PCDHGB6: variants seen among roughly 807,000 people sequenced by gnomAD.
PCDHGB6 encodes protocadherin gamma subfamily B, 6, also known as protocadherin gamma-B6.
In PCDHGB6, 51 loss-of-function variants were observed where a neutral mutation model predicts 59.1. The ratio of observed to expected loss-of-function variants is 0.86; its 90% CI spans 0.69 to 1.09. The LOEUF (loss-of-function observed/expected upper bound fraction) is 1.09. Ranked by LOEUF, PCDHGB6 falls within the 50% of genes least tolerant of loss-of-function variation. The pLI, the probability that PCDHGB6 is intolerant of heterozygous loss-of-function variation, is 0.00. For synonymous variants in PCDHGB6, 466 were observed against 495.1 expected (o/e 0.94, Z 0.78); for missense variants, 1,148 against 1,205.1 (o/e 0.95, Z 0.70).
chr5:141,419,316 G>C (rs775328616), intron 1 of PCDHGB6: 2 of 1,613,876 alleles, frequency 1.2e-6, no homozygotes, highest in African/African-American at 1.3e-5. Flanking sequence ...CTCAACGGCC[G>C]TGTCTCCTAC....
chr5:141,437,165 T>A (rs62379162), intron 1 of PCDHGB6, among the ~76,000 whole-genome samples: 3,747 of 152,330 alleles, frequency 0.025, 69 homozygotes, highest in Middle Eastern at 0.085. Context: ...TGTTGATTGT[T>A]TTCTGAGACT....
intron 1 of PCDHGB6, chr5:141,414,738 C>A: frequency 6.2e-7 from 1 of 1,614,238 alleles, no homozygotes; most frequent in Non-Finnish European, 8.5e-7. Context: ...TGTATGCACT[C>A]AGATCCTTCG....
At position 141,421,030 on chromosome 5, in the gene PCDHGB6, G is replaced by A. The variant is rs989158485; in HGVS notation, c.2418+10410G>A. The stretch of plus-strand genomic sequence containing the variant: ...GGAATGGGAAGCTGCGCGCCATTGA[G>A]TCCCTCCCTCCCCCGCCTCTACCAC... On this transcript the variant is annotated intron_variant, in intron 1 of 3. Coordinates refer to ENST00000520790, the MANE Select transcript of PCDHGB6 (RefSeq NM_018926.3). 39 of 532,352 alleles carry A rather than the reference G, an allele frequency of 7.3e-5. No homozygotes were observed. In the East Asian group the frequency reaches 1.2e-3, roughly 17 times the overall value. 33.0% of individuals were successfully genotyped at this position (532,352 alleles called of 1,614,324 possible). A position where few individuals can be genotyped will look rare whatever the true frequency, so the allele number is the denominator to read the frequency against.
intron 1 of PCDHGB6, chr5:141,412,903 G>T: frequency 5.3e-6 from 2 of 376,030 alleles, no homozygotes; most frequent in East Asian, 4.2e-5. Flanking sequence ...ACTTTCCATT[G>T]CATGTATCAC....
In PCDHGB6 at chr5:141,431,184, T is replaced by G. The variant is rs754537015; in HGVS notation, c.2418+20564T>G. The G allele has an allele frequency of 5.6e-6, 9 of 1,614,090 alleles. No homozygotes were observed. Among genetic ancestry groups the G allele is most frequent in the Non-Finnish European group, 6.8e-6 (8 of 1,180,050 alleles). ...CGTGAAAGTGAATTAGAAATAAAAA[T>G]TAGTGAAAATGCAGCCACTGAGATG... On this transcript the variant is annotated intron_variant, in intron 1 of 3. Transcript: ENST00000520790. The surrounding 1 kb of genome is among the most constrained non-coding windows in gnomAD (Gnocchi z 4.8).
chr5:141,428,618 T>G (rs554092834), intron 1 of PCDHGB6: 12 of 206,130 alleles, frequency 5.8e-5, no homozygotes, highest in Admixed American at 2.6e-4. Context: ...AATAACAAGA[T>G]AAGCTCTAAC....
At chr5:141,507,432 C>T (rs2099860585) in intron 3 of PCDHGB6, 1 of 152,198 alleles carries the variant, frequency 6.6e-6, no homozygotes. Flanking sequence ...GGGGCCAGGC[C>T]TACAGCTGAC....
At chr5:141,423,642 T>C (rs1293550754) in intron 1 of PCDHGB6, 2 of 1,596,770 alleles carry the variant, frequency 1.3e-6, no homozygotes, top group African/African-American at 2.7e-5. Flanking sequence ...TAGGCAAATG[T>C]GACCCGACAA....
intron 3 of PCDHGB6, among the ~76,000 whole-genome samples, chr5:141,505,926 G>T (rs114056147): frequency 6.6e-6 from 1 of 152,146 alleles, no homozygotes; most frequent in African/African-American, 2.4e-5. Flanking sequence ...TGGGCCTGGC[G>T]CTTGGAAGCC....
chr5:141,501,508 C>A (rs1378333182), intron 2 of PCDHGB6, among the ~76,000 whole-genome samples: 1 of 151,960 alleles, frequency 6.6e-6, no homozygotes, highest in Non-Finnish European at 1.5e-5. Flanking sequence ...GGCTCCAAGG[C>A]CTCCAAGCTG....
At chr5:141,467,178 A>C (rs1344437465) in intron 1 of PCDHGB6, among the ~76,000 whole-genome samples, 1 of 151,604 alleles carries the variant, frequency 6.6e-6, no homozygotes, top group Non-Finnish European at 1.5e-5. Flanking sequence ...TCAGCCTCCC[A>C]AGTAGCTGGG....
intron 1 of PCDHGB6, chr5:141,420,114 A>G: frequency 6.2e-7 from 1 of 1,614,032 alleles, no homozygotes; most frequent in Non-Finnish European, 8.5e-7. Context: ...CCCTATGCCT[A>G]TAATTTTTGT....
chr5:141,476,864 C>T lies in PCDHGB6; in HGVS notation c.2419-17943C>T, dbSNP rs1318457627. ...GCCTGTCTTCAACCAGTCCTTGTAC[C>T]GGGCGCGCGTCCTGGAGGATGCACC... is the stretch of plus-strand genomic sequence containing the variant. On this transcript the variant is annotated intron_variant, in intron 1 of 3. Coordinates refer to ENST00000520790, the MANE Select transcript of PCDHGB6 (RefSeq NM_018926.3). This position sits in a 1 kb window ranked among gnomAD's most constrained non-coding sequence, Gnocchi z 7.6. 4.3e-6 allele frequency: 7 copies of T among 1,613,838 alleles called. No homozygotes were observed. Among genetic ancestry groups the T allele is most frequent in the Non-Finnish European group, 5.9e-6 (7 of 1,180,044 alleles).
rs112156044 is a variant in PCDHGB6, at chr5:141,476,771, G to A, written c.2419-18036G>A. The A allele has an allele frequency of 6.2e-7, 1 of 1,613,700 alleles. No homozygotes were observed. The highest frequency in any genetic ancestry group is 1.3e-5 in the African/African-American group (1 of 75,036). On this transcript the variant is annotated intron_variant, in intron 1 of 3. Coordinates refer to ENST00000520790, the MANE Select transcript of PCDHGB6 (RefSeq NM_018926.3). The surrounding 1 kb of genome is among the most constrained non-coding windows in gnomAD (Gnocchi z 7.6). ...CCAGTTAGTGCTGACGGCGTTGGAC[G>A]GAGGGACCCCAGCTCTCTCCGCCAG...
Position 141,410,699 on chromosome 5 carries a change from A to C in PCDHGB6, c.2418+79A>C, listed in dbSNP as rs760193148. On this transcript the variant is annotated intron_variant, in intron 1 of 3. Transcript: ENST00000520790. ...ATTTTAGGCATACTACTTTATTTTC[A>C]TATCTAGAATCATATGTTTAAAATC... The C allele has an allele frequency of 2.0e-6, 3 of 1,478,344 alleles. No homozygotes were observed. In the South Asian group the frequency reaches 4.0e-5, roughly 20 times the overall value. The allele number at this position is 1,478,344 out of a possible 1,614,324, so 91.6% of individuals were successfully genotyped here. A position where few individuals can be genotyped will look rare whatever the true frequency, so the allele number is the denominator to read the frequency against.
intron 3 of PCDHGB6, among the ~76,000 whole-genome samples, chr5:141,507,777 CT>C (rs1213538221): frequency 6.6e-6 from 1 of 152,220 alleles, no homozygotes; most frequent in Admixed American, 6.5e-5. Context: ...CACACAGGGC[CT>C]GACCCTCGTC....
chr5:141,429,376 T>TG (rs2097206796), intron 1 of PCDHGB6, among the ~76,000 whole-genome samples: 1 of 144,558 alleles, frequency 6.9e-6, no homozygotes, highest in Non-Finnish European at 1.5e-5. Context: ...GGAGAAAATG[T>TG]GTTTTTTTTT....
At position 141,485,122 on chromosome 5, in the gene PCDHGB6, G is replaced by C. The variant is rs1000179570; in HGVS notation, c.2419-9685G>C. The stretch of plus-strand genomic sequence containing the variant: ...CAGCTGCTGTGGCTGTTTGGGGCGG[G>C]TCGGCTTCATCCGCGTCTCAGGAGC... On this transcript the variant is annotated intron_variant, in intron 1 of 3. Transcript: ENST00000520790. This position sits in a 1 kb window ranked among gnomAD's most constrained non-coding sequence, Gnocchi z 5.7. The C allele has an allele frequency of 4.3e-6, 6 of 1,387,506 alleles. No individual in the cohort carries two copies. In the African/African-American group the frequency reaches 8.5e-5, roughly 20 times the overall value. The allele number at this position is 1,387,506 out of a possible 1,614,324, so 85.9% of individuals were successfully genotyped here. A position where few individuals can be genotyped will look rare whatever the true frequency, so the allele number is the denominator to read the frequency against.
intron 1 of PCDHGB6, chr5:141,419,707 C>G (rs781629810): frequency 6.2e-7 from 1 of 1,613,180 alleles, no homozygotes. Flanking sequence ...AGCCCGGGCT[C>G]TTCAGCCTGG....
Sources: allele counts gnomAD v4.1 joint callset (sites outside exome capture counted in the v4.1 genomes callset), GRCh38; gene constraint gnomAD v4.1.1; non-coding constraint Gnocchi (gnomAD v3.1); transcripts MANE v1.5; gene names NCBI Gene and HGNC (gene_info 2026-07-23, HGNC 2026-07-21).